The following TMEM26 variants were observed in gnomAD, a reference collection of about 807,000 sequenced individuals.
TMEM26 encodes the protein transmembrane protein 26.
A neutral mutation model predicts 28.8 loss-of-function variants in TMEM26; 38 were observed. The observed-to-expected ratio is 1.32, with a 90% CI of 1.02 to 1.73. TMEM26 has a LOEUF of 1.73. Ranked by LOEUF, TMEM26 falls within the 40% of genes most tolerant of loss-of-function variation. The pLI is 0.00. For synonymous variants in TMEM26, 227 were observed against 182.9 expected, an observed-to-expected ratio of 1.24 and a Z score of -1.95; for missense variants, 518 against 447.1, an observed-to-expected ratio of 1.16 and a Z score of -1.43.
At chr10:61,431,922 T>C (rs1264470228) in intron 2 of TMEM26, among the ~76,000 whole-genome samples, 1 of 152,004 alleles carries the variant, frequency 6.6e-6, no homozygotes, top group African/African-American at 2.4e-5. Flanking sequence ...CTGTTGTTCC[T>C]ATCTTTGTGT....
chr10:61,431,215 T>C lies in TMEM26; in HGVS notation c.384+4A>G. The C allele has an allele frequency of 6.2e-7, 1 of 1,610,128 alleles. No individual in the cohort carries two copies. The highest frequency in any genetic ancestry group is 8.5e-7 in the Non-Finnish European group (1 of 1,176,688). ...CCTTTAATAAACAGTGGAAAAGCTC[T>C]CACCGTCTCAATGAGATCATCAGCT... On this transcript the variant is annotated splice_donor_region_variant and intron_variant, in intron 3 of 5. Coordinates refer to ENST00000399298, the MANE Select transcript of TMEM26 (RefSeq NM_178505.8).
chr10:61,413,632 C>A (rs752304122), intron 4 of TMEM26, 97 bp from the exon 5 acceptor site: 413 of 1,360,764 alleles, frequency 3.0e-4, no homozygotes, highest in Non-Finnish European at 3.7e-4. Flanking sequence ...CCTAATAAAC[C>A]TCTTGTGGCC....
intron 4 of TMEM26, among the ~76,000 whole-genome samples, chr10:61,417,634 TAAG>T (rs1335417703): frequency 2.6e-5 from 4 of 151,936 alleles, no homozygotes; most frequent in Non-Finnish European, 5.9e-5. Context: ...AATGTAAACA[TAAG>T]AAGAGTCTCC....
chr10:61,435,809 C>T (rs953053107), intron 2 of TMEM26, among the ~76,000 whole-genome samples: 3 of 152,136 alleles, frequency 2.0e-5, no homozygotes, highest in Non-Finnish European at 2.9e-5. Context: ...CATGCCCATT[C>T]TTAGCACAAC....
Position 61,409,510 on chromosome 10 carries a change from A to T in TMEM26, c.*812T>A, listed in dbSNP as rs1166661109. The stretch of plus-strand genomic sequence containing the variant: ...TCCCTGCATCAGCCCACATGATTCA[A>T]CTTGGCAATATAGAAAATGGTAAAG... On this transcript the variant is annotated 3_prime_UTR_variant, in exon 6 of 6. Transcript: ENST00000399298. 1.3e-5 allele frequency: 2 copies of T among 152,260 alleles called. No homozygotes were observed. Among genetic ancestry groups the T allele is most frequent in the African/African-American group, 2.4e-5 (1 of 41,454 alleles). 9.4% of individuals were successfully genotyped at this position (152,260 alleles called of 1,614,324 possible).
chr10:61,411,407 C>T (rs1839567691), intron 5 of TMEM26, among the ~76,000 whole-genome samples: 1 of 152,144 alleles, frequency 6.6e-6, no homozygotes, highest in Non-Finnish European at 1.5e-5. Flanking sequence ...GCTTAAGAAA[C>T]GGAGCAAAGT....
At chr10:61,419,438 T>C (rs896968526) in intron 4 of TMEM26, among the ~76,000 whole-genome samples, 1 of 152,020 alleles carries the variant, frequency 6.6e-6, no homozygotes. Flanking sequence ...AAAAGTCTCA[T>C]GGCAATGACT....
intron 4 of TMEM26, among the ~76,000 whole-genome samples, chr10:61,419,091 G>A (rs1839700822): frequency 6.6e-6 from 1 of 152,042 alleles, no homozygotes; most frequent in Non-Finnish European, 1.5e-5. Context: ...AAAAATCTGA[G>A]ACATCAGTGA....
intron 1 of TMEM26, 132 bp from the exon 2 acceptor site, chr10:61,436,380 C>A: frequency 1.9e-6 from 1 of 519,534 alleles, no homozygotes; most frequent in South Asian, 3.1e-5. Flanking sequence ...CGTATAACTT[C>A]AAAGTGTTTA....
intron 1 of TMEM26, among the ~76,000 whole-genome samples, chr10:61,447,535 T>C (rs557208333): frequency 6.6e-6 from 1 of 152,338 alleles, no homozygotes; most frequent in Non-Finnish European, 1.5e-5. Flanking sequence ...TTTTCTGTTT[T>C]CAGCTGTGAG....
At chr10:61,446,546 C>T (rs1008491903) in intron 1 of TMEM26, among the ~76,000 whole-genome samples, 2 of 151,976 alleles carry the variant, frequency 1.3e-5, no homozygotes, top group African/African-American at 4.8e-5. Context: ...CTGGGCCAGG[C>T]GCGATGGCTC....
At chr10:61,444,037 C>G (rs1166524378) in intron 1 of TMEM26, among the ~76,000 whole-genome samples, 1 of 152,132 alleles carries the variant, frequency 6.6e-6, no homozygotes, top group Non-Finnish European at 1.5e-5. Flanking sequence ...ACCTGAAAAG[C>G]ACATCTTTCT....
intron 1 of TMEM26, among the ~76,000 whole-genome samples, chr10:61,437,982 C>G (rs1040036662): frequency 6.6e-6 from 1 of 151,816 alleles, no homozygotes; most frequent in Admixed American, 6.6e-5. Context: ...AAATGTTACC[C>G]AAAGTATGTT....
At chr10:61,436,104 C>G in intron 2 of TMEM26, 66 bp downstream of exon 2, 1 of 1,017,890 alleles carries the variant, frequency 9.8e-7, no homozygotes, top group Non-Finnish European at 1.5e-6. Context: ...CGAAAATAAA[C>G]TGGATCATAC....
chr10:61,415,028 T>A (rs1307003622), intron 4 of TMEM26: 1 of 985,224 alleles, frequency 1.0e-6, no homozygotes, highest in Non-Finnish European at 1.2e-6. Flanking sequence ...CTTTTCTACT[T>A]CACATTTTAT....
intron 4 of TMEM26, among the ~76,000 whole-genome samples, chr10:61,419,324 T>C (rs1251821945): frequency 6.6e-6 from 1 of 152,064 alleles, no homozygotes; most frequent in Non-Finnish European, 1.5e-5. Context: ...GTAGAAACTG[T>C]CTCTACTGAG....
chr10:61,429,079 G>A lies in TMEM26; in HGVS notation c.452C>T (p.Thr151Ile). 6.2e-7 allele frequency: 1 copy of A among 1,613,326 alleles called. No homozygotes were observed. Among genetic ancestry groups the A allele is most frequent in the Non-Finnish European group, 8.5e-7 (1 of 1,179,470 alleles). Reference protein sequence around the residue: ...EKVWTLGLHQTFLLMLIIGRW... With the variant: ...EKVWTLGLHQIFLLMLIIGRW... ...TCCAATTATTAGCATTAACAGGAAT[G>A]TCTGATGGAGTCCCAATGTCCAAAC... Residue 151 changes from threonine to isoleucine, a missense_variant, in exon 4 of 6, where the codon ACA becomes ATA. Coordinates refer to ENST00000399298, the MANE Select transcript of TMEM26 (RefSeq NM_178505.8).
At chr10:61,451,986 G>GATAT (rs10555555) in intron 1 of TMEM26, among the ~76,000 whole-genome samples, 3,129 of 148,764 alleles carry the variant, frequency 0.021, 37 homozygotes, top group South Asian at 0.032. Flanking sequence ...TTAATGTATT[G>GATAT]ATATATATAT....
chr10:61,420,607 C>T (rs1274533889), intron 4 of TMEM26, among the ~76,000 whole-genome samples: 2 of 151,738 alleles, frequency 1.3e-5, no homozygotes, highest in African/African-American at 2.4e-5. Context: ...CTTCTTACAC[C>T]TGTAAACTAT....
Sources: allele counts gnomAD v4.1 joint callset (sites outside exome capture counted in the v4.1 genomes callset), GRCh38; gene constraint gnomAD v4.1.1; transcripts MANE v1.5; gene names NCBI Gene and HGNC (gene_info 2026-07-23, HGNC 2026-07-21).